The following TEX22 variants were observed in gnomAD, a reference collection of about 807,000 sequenced individuals.
TEX22 encodes the protein testis-expressed protein 22.
In TEX22, 16 loss-of-function variants were observed where a neutral mutation model predicts 11.3. That is an observed-to-expected ratio of 1.42 (90% CI 0.96 to 2.15). The LOEUF (loss-of-function observed/expected upper bound fraction) is 2.15. Ranked by LOEUF, TEX22 falls within the 30% of genes most tolerant of loss-of-function variation. TEX22 has a pLI of 0.00. For missense variants in TEX22, 220 were observed against 208.6 expected, an observed-to-expected ratio of 1.05 and a Z score of -0.34; for synonymous variants, 97 against 92.3, an observed-to-expected ratio of 1.05 and a Z score of -0.29.
chr14:105,411,521 G>GGGGCCCCCCCCC, intron 3 of TEX22, 25 bp downstream of exon 3: 2 of 458,518 alleles, frequency 4.4e-6, no homozygotes, highest in Non-Finnish European at 5.6e-6. Context: ...GGTCCTCCCC[G>GGGGCCCCCCCCC]CCCCGTCCCC....
intron 2 of TEX22, among the ~76,000 whole-genome samples, chr14:105,408,336 GGTTC>G (rs2081669789): frequency 1.3e-5 from 2 of 151,854 alleles, no homozygotes; most frequent in Non-Finnish European, 2.9e-5. Flanking sequence ...CCGCCTCCGG[GGTTC>G]AAGTGGTTCT....
chr14:105,411,456 G>T lies in TEX22; in HGVS notation c.239G>T (p.Arg80Leu). 8.1e-7 allele frequency: 1 copy of T among 1,233,272 alleles called. No homozygotes were observed. The highest frequency in any genetic ancestry group is 3.6e-5 in the South Asian group (1 of 27,610). 76.4% of individuals were successfully genotyped at this position (1,233,272 alleles called of 1,614,324 possible). Residue 80 changes from arginine to leucine, a missense_variant, in exon 3 of 4, where the codon CGG (arginine) becomes CTG (leucine). Transcript: ENST00000451127. ...CGGCGGCTGGCCACGCTGGGCGGCC[G>T]GGAGAGGCCGGGCGCCGCCGGGACC... ...ERRRLATLGG[R>L]ERPGAAGTQL...
intron 2 of TEX22, among the ~76,000 whole-genome samples, chr14:105,405,555 A>T (rs1555418821): frequency 6.6e-6 from 1 of 152,206 alleles, no homozygotes; most frequent in African/African-American, 2.4e-5. Context: ...CAGGGTGAAG[A>T]TGGACACCAA....
At chr14:105,403,956 C>G (rs1286146060) in intron 2 of TEX22, among the ~76,000 whole-genome samples, 1 of 152,242 alleles carries the variant, frequency 6.6e-6, no homozygotes, top group Admixed American at 6.5e-5. Context: ...CCACCATACC[C>G]AGCCTTTGGC....
In TEX22 at chr14:105,411,378, C is replaced by T. The variant is rs1555419316; in HGVS notation, c.161C>T (p.Pro54Leu). Reference protein sequence around the residue: ...GLQTQDWVCEPPERRRPGRRW... With the variant: ...GLQTQDWVCELPERRRPGRRW... ...TGCCCTGTCCCCCAGGTGTGCGAGC[C>T]GCCGGAACGCAGGCGCCCGGGCCGC... The change falls in exon 3 of 4, where the codon CCG becomes CTG. Residue 54 changes from proline to leucine, a missense_variant. Transcript: ENST00000451127. The T allele has an allele frequency of 6.0e-6, 8 of 1,325,832 alleles. No homozygotes were observed. Among genetic ancestry groups the T allele is most frequent in the Non-Finnish European group, 9.6e-7 (1 of 1,037,674 alleles). The allele number at this position is 1,325,832 out of a possible 1,614,324, so 82.1% of individuals were successfully genotyped here.
chr14:105,411,461 A>G lies in TEX22; in HGVS notation c.244A>G (p.Arg82Gly), dbSNP rs2081690360. 8.1e-7 allele frequency: 1 copy of G among 1,233,094 alleles called. No homozygotes were observed. The highest frequency in any genetic ancestry group is 1.0e-6 in the Non-Finnish European group (1 of 990,348). The allele number at this position is 1,233,094 out of a possible 1,614,324, so 76.4% of individuals were successfully genotyped here. Residue 82 changes from arginine (R) to glycine (G), a missense_variant, in exon 3 of 4, where the codon AGG becomes GGG. Arg to Gly is a moderately radical substitution (Grantham distance 125). Coordinates refer to ENST00000451127, the MANE Select transcript of TEX22 (RefSeq NM_001195082.2). The stretch of plus-strand genomic sequence containing the variant: ...GCTGGCCACGCTGGGCGGCCGGGAG[A>G]GGCCGGGCGCCGCCGGGACCCAGCT... ...RRLATLGGRERPGAAGTQLHC... is the reference protein window; with the variant it reads ...RRLATLGGREGPGAAGTQLHC...
At chr14:105,410,083 GT>G (rs1463155715) in intron 2 of TEX22, among the ~76,000 whole-genome samples, 1 of 151,854 alleles carries the variant, frequency 6.6e-6, no homozygotes, top group African/African-American at 2.4e-5. Context: ...TACCTTTTTT[GT>G]TTGTTTGTTT....
intron 2 of TEX22, among the ~76,000 whole-genome samples, chr14:105,400,867 T>C (rs1175826391): frequency 2.6e-5 from 4 of 152,200 alleles, no homozygotes; most frequent in Admixed American, 2.6e-4. Flanking sequence ...GATGACTTTA[T>C]AGGTGGGCAC....
chr14:105,412,002 T>C lies in TEX22; in HGVS notation c.*169T>C. The C allele has an allele frequency of 1.6e-6, 1 of 630,510 alleles. No individual in the cohort carries two copies. Among genetic ancestry groups the C allele is most frequent in the Non-Finnish European group, 2.5e-6 (1 of 398,594 alleles). 39.1% of individuals were successfully genotyped at this position (630,510 alleles called of 1,614,324 possible). ...CGGACAGCCTGCAGCTGCTGAGGCC[T>C]TGGAGACCGGGCTAGGGGCTATGGG... On this transcript the variant is annotated 3_prime_UTR_variant, in exon 4 of 4. Transcript: ENST00000451127. This position sits in a 1 kb window ranked among gnomAD's most constrained non-coding sequence, Gnocchi z 5.8.
chr14:105,405,390 G>C, intron 2 of TEX22, among the ~76,000 whole-genome samples: 1 of 152,284 alleles, frequency 6.6e-6, no homozygotes, highest in East Asian at 1.9e-4. Context: ...TACGATGGCA[G>C]ATAGAATCGC....
chr14:105,399,284 C>T lies in TEX22; in HGVS notation c.-39-18C>T, dbSNP rs1449392474. ...GCCTTGTGGGCCCCGCCCCACCTCCCCCTGCTCCTACCCCCAGATCTCAGA... is the reference window on the plus strand; with the variant it reads ...GCCTTGTGGGCCCCGCCCCACCTCCTCCTGCTCCTACCCCCAGATCTCAGA... On this transcript the variant is annotated intron_variant, in intron 1 of 3. Coordinates refer to ENST00000451127, the MANE Select transcript of TEX22 (RefSeq NM_001195082.2). The T allele has an allele frequency of 9.8e-6, 14 of 1,426,068 alleles. No individual in the cohort carries two copies. The highest frequency in any genetic ancestry group is 1.2e-5 in the Non-Finnish European group (13 of 1,064,894). The allele number at this position is 1,426,068 out of a possible 1,614,324, so 88.3% of individuals were successfully genotyped here. A position where few individuals can be genotyped will look rare whatever the true frequency, so the allele number is the denominator to read the frequency against.
intron 2 of TEX22, among the ~76,000 whole-genome samples, chr14:105,401,612 T>C (rs982554009): frequency 2.0e-5 from 3 of 148,908 alleles, no homozygotes; most frequent in Non-Finnish European, 4.5e-5. Flanking sequence ...GGGATAGCAT[T>C]AGGAGATACA....
chr14:105,402,525 C>A (rs375099300), intron 2 of TEX22, among the ~76,000 whole-genome samples: 15 of 151,820 alleles, frequency 9.9e-5, no homozygotes, highest in South Asian at 2.1e-4. Context: ...GAGGCTGGGG[C>A]GGGCAGATCA....
chr14:105,399,268 G>GCCCCCCCCCCCCCCCC, intron 1 of TEX22, 34 bp from the exon 2 acceptor site: 1 of 1,272,366 alleles, frequency 7.9e-7, no homozygotes, highest in Non-Finnish European at 1.1e-6. Context: ...GGCCTTGTGG[G>GCCCCCCCCCCCCCCCC]CCCCGCCCCA....
In TEX22 at chr14:105,400,155, G is replaced by C. The variant is rs145984953; in HGVS notation, c.150+665G>C. 7.0e-4 allele frequency among the ~76,000 whole-genome samples: 107 copies of C among 152,336 alleles called. 1 individual carries two copies. In the East Asian group the frequency reaches 0.015, roughly 21 times the overall value. On this transcript the variant is annotated intron_variant, in intron 2 of 3. Transcript: ENST00000451127. ...GATGGCTCTAGGCTGTGGCGAGATG[G>C]GTGCAGGGGCTCCTGGGCACTGGCA... is the stretch of plus-strand genomic sequence containing the variant.
chr14:105,411,198 A>C (rs1555419295), intron 2 of TEX22, among the ~76,000 whole-genome samples, 170 bp from the exon 3 acceptor site: 7 of 152,374 alleles, frequency 4.6e-5, no homozygotes. Context: ...AGAGGGCCAC[A>C]CTGCCTGAGG....
rs995694290 is a variant in TEX22 at position 105,401,960 on chromosome 14, C to T, written c.150+2470C>T. Among the ~76,000 whole-genome samples, 7 of 152,074 alleles carry T rather than the reference C, an allele frequency of 4.6e-5. No individual in the cohort carries two copies. The East Asian group carries it at 5.8e-4, about 13-fold the overall frequency. ...CAACAATTCAGGAGGCCGAGGCAGG[C>T]GGATCACCTGAGGTCGAGAGTTGGA... On this transcript the variant is annotated intron_variant, in intron 2 of 3. Coordinates refer to ENST00000451127, the MANE Select transcript of TEX22 (RefSeq NM_001195082.2).
chr14:105,403,119 T>G (rs2081641379), intron 2 of TEX22, among the ~76,000 whole-genome samples: 1 of 152,216 alleles, frequency 6.6e-6, no homozygotes, highest in Non-Finnish European at 1.5e-5. Flanking sequence ...AGACCTACTT[T>G]GTTTTTAGTT....
At chr14:105,408,496 T>C (rs2081670798) in intron 2 of TEX22, among the ~76,000 whole-genome samples, 1 of 152,202 alleles carries the variant, frequency 6.6e-6, no homozygotes, top group Non-Finnish European at 1.5e-5. Context: ...TGATCTTGGC[T>C]CACTGCAACC....
Sources: allele counts gnomAD v4.1 joint callset (sites outside exome capture counted in the v4.1 genomes callset), GRCh38; gene constraint gnomAD v4.1.1; non-coding constraint Gnocchi (gnomAD v3.1); transcripts MANE v1.5; gene names NCBI Gene and HGNC (gene_info 2026-07-23, HGNC 2026-07-21).